Variants in GNA12 observed in about 807,000 individuals in gnomAD.
GNA12 encodes the protein guanine nucleotide-binding protein subunit alpha-12.
Under a neutral mutation model 26.0 loss-of-function variants are expected in GNA12, and 9 were observed. That is an observed-to-expected ratio of 0.35 (90% CI 0.21 to 0.60). GNA12 has a LOEUF of 0.60. Ranked by LOEUF, GNA12 falls within the 20% of genes least tolerant of loss-of-function variation. GNA12 has a pLI of 0.78. For synonymous variants in GNA12, 264 were observed against 219.6 expected, an observed-to-expected ratio of 1.20 and a Z score of -1.79; for missense variants, 405 against 525.8, an observed-to-expected ratio of 0.77 and a Z score of 2.25.
chr7:2,768,729 T>A (rs965992485), intron 2 of GNA12, among the ~76,000 whole-genome samples: 6 of 151,632 alleles, frequency 4.0e-5, no homozygotes, highest in Non-Finnish European at 8.8e-5. Context: ...GAGAGTTCAT[T>A]CCCACTCATT....
intron 2 of GNA12, chr7:2,762,208 A>G (rs1450691751): frequency 5.8e-6 from 1 of 171,702 alleles, no homozygotes; most frequent in Non-Finnish European, 1.2e-5. Context: ...CGTTTCTAGG[A>G]GAAGTTGTAA....
intron 2 of GNA12, among the ~76,000 whole-genome samples, chr7:2,787,684 C>CA (rs1349040080): frequency 6.6e-6 from 1 of 152,240 alleles, no homozygotes; most frequent in African/African-American, 2.4e-5. Context: ...GCTGACTGCT[C>CA]AGATTCTTGA....
At chr7:2,764,244 C>CTT (rs35992308) in intron 2 of GNA12, among the ~76,000 whole-genome samples, 67 of 139,338 alleles carry the variant, frequency 4.8e-4, no homozygotes, top group African/African-American at 1.6e-3. Flanking sequence ...CAGCTAATTT[C>CTT]TTTTTTTTTT....
At position 2,824,912 on chromosome 7, in the gene GNA12, G is replaced by A. The variant is rs1490231839; in HGVS notation, c.309+18941C>T. 4.6e-5 allele frequency among the ~76,000 whole-genome samples: 7 copies of A among 152,288 alleles called. No individual in the cohort carries two copies. In the East Asian group the frequency reaches 1.4e-3, roughly 30 times the overall value. On this transcript the variant is annotated intron_variant, in intron 1 of 3. Coordinates refer to ENST00000275364, the MANE Select transcript of GNA12 (RefSeq NM_007353.3). ...GAACAGCATGGCCAGGTGACCACAG[G>A]CACAGGAAGTCCAAGAACCACTTTC...
intron 1 of GNA12, among the ~76,000 whole-genome samples, chr7:2,831,625 G>A (rs1235300919): frequency 2.0e-5 from 3 of 151,714 alleles, no homozygotes; most frequent in African/African-American, 4.8e-5. Flanking sequence ...GGATGGTCTC[G>A]ATCTCCTGAC....
rs1789784355 is a variant in GNA12, at chr7:2,729,600, CTTGCGTTTACCGGGT to C, written c.*1566_*1580del. 1 of 152,354 alleles carries C rather than the reference CTTGCGTTTACCGGGT, an allele frequency of 6.6e-6. No homozygotes were observed. Among genetic ancestry groups the C allele is most frequent in the South Asian group, 2.1e-4 (1 of 4,818 alleles). The allele number at this position is 152,354 out of a possible 1,614,324, so 9.4% of individuals were successfully genotyped here. A position where few individuals can be genotyped will look rare whatever the true frequency, so the allele number is the denominator to read the frequency against. ...TCTGCTTCTGCATCTGCCCCAAGGG[CTTGCGTTTACCGGGT>C]TTGCGGAAAACAAGCCAAGGGTGAG... is the stretch of plus-strand genomic sequence containing the variant. On this transcript the variant is annotated 3_prime_UTR_variant, in exon 4 of 4. Transcript: ENST00000275364.
chr7:2,771,232 C>T (rs533184334), intron 2 of GNA12, among the ~76,000 whole-genome samples: 130 of 151,986 alleles, frequency 8.6e-4, no homozygotes, highest in African/African-American at 3.1e-3. Context: ...TGGAGGTTGC[C>T]GTGAGCTGAC....
chr7:2,805,987 G>C (rs1583296711), intron 1 of GNA12, among the ~76,000 whole-genome samples: 3 of 152,152 alleles, frequency 2.0e-5, no homozygotes, highest in Non-Finnish European at 4.4e-5. Flanking sequence ...AACTTCTTTT[G>C]TTTATACTGA....
intron 2 of GNA12, among the ~76,000 whole-genome samples, chr7:2,767,627 T>C (rs1282808422): frequency 2.6e-5 from 4 of 152,228 alleles, no homozygotes; most frequent in Non-Finnish European, 4.4e-5. Context: ...AATCAACTCT[T>C]GGCTGGCGCG....
At chr7:2,812,487 G>A (rs1381489055) in intron 1 of GNA12, among the ~76,000 whole-genome samples, 1 of 152,164 alleles carries the variant, frequency 6.6e-6, no homozygotes, top group Non-Finnish European at 1.5e-5. Flanking sequence ...AAATTAGCTG[G>A]GTGTGGTGGC....
chr7:2,771,909 T>C (rs1182206), intron 2 of GNA12, among the ~76,000 whole-genome samples: 89,172 of 151,982 alleles, frequency 0.59, 26,396 homozygotes, highest in Admixed American at 0.63. Flanking sequence ...TGTGAGAGCC[T>C]GAGTTCCCAC....
intron 2 of GNA12, among the ~76,000 whole-genome samples, chr7:2,746,300 G>T (rs533047213): frequency 1.3e-5 from 2 of 152,280 alleles, no homozygotes; most frequent in East Asian, 1.9e-4. Context: ...AAATGTAAAA[G>T]AACAGAAATT....
At chr7:2,799,478 A>C (rs534248191) in intron 1 of GNA12, among the ~76,000 whole-genome samples, 4 of 152,164 alleles carry the variant, frequency 2.6e-5, no homozygotes, top group Admixed American at 6.5e-5. Context: ...GCTACTCAGG[A>C]GGCTGAGGCA....
At chr7:2,814,164 T>A in intron 1 of GNA12, 1 of 623,058 alleles carries the variant, frequency 1.6e-6, no homozygotes, top group Non-Finnish European at 2.9e-6. Flanking sequence ...ACATGGGACT[T>A]CTCAGCTCCC....
At chr7:2,810,007 A>G (rs1793040891) in intron 1 of GNA12, among the ~76,000 whole-genome samples, 1 of 152,342 alleles carries the variant, frequency 6.6e-6, no homozygotes, top group Middle Eastern at 3.4e-3. Context: ...CATTACAATC[A>G]CCTTCTTAGA....
chr7:2,801,105 C>T (rs1792798706), intron 1 of GNA12, among the ~76,000 whole-genome samples: 2 of 152,182 alleles, frequency 1.3e-5, no homozygotes, highest in African/African-American at 4.8e-5. Context: ...GCAGATGCGG[C>T]CCAGCCTGGC....
intron 1 of GNA12, among the ~76,000 whole-genome samples, chr7:2,838,167 AG>A (rs1214052796): frequency 6.6e-6 from 1 of 152,004 alleles, no homozygotes; most frequent in African/African-American, 2.4e-5. Context: ...TCAGCCAGGG[AG>A]GACAGTTCAT....
intron 2 of GNA12, among the ~76,000 whole-genome samples, chr7:2,734,822 C>T (rs79039784): frequency 0.025 from 3,799 of 152,246 alleles, 109 homozygotes; most frequent in Middle Eastern, 0.075. Flanking sequence ...GGGGCGAGCA[C>T]GTGCACCTCG....
chr7:2,774,543 C>G (rs1302663797), intron 2 of GNA12, among the ~76,000 whole-genome samples: 1 of 152,108 alleles, frequency 6.6e-6, no homozygotes, highest in Non-Finnish European at 1.5e-5. Flanking sequence ...GCAGCAGTGA[C>G]AGAGAGGAGG....
Sources: allele counts gnomAD v4.1 joint callset (sites outside exome capture counted in the v4.1 genomes callset), GRCh38; gene constraint gnomAD v4.1.1; transcripts MANE v1.5; gene names NCBI Gene and HGNC (gene_info 2026-07-23, HGNC 2026-07-21).